Variants in MBTPS1 observed in about 807,000 individuals in gnomAD.
The protein encoded by MBTPS1 is membrane bound transcription factor peptidase, site 1.
In MBTPS1, 94 loss-of-function variants were observed where a neutral mutation model predicts 127.8. The observed-to-expected ratio is 0.74, with a 90% CI of 0.62 to 0.87. The LOEUF is 0.87. MBTPS1 is among the 40% of genes least tolerant of loss of function. The probability of loss-of-function intolerance (pLI) is 0.00; values close to 1 mark genes in which losing one functional copy is unlikely to be tolerated. For missense variants in MBTPS1, 1,636 were observed against 1,353.2 expected, an observed-to-expected ratio of 1.21 and a Z score of -3.28; for synonymous variants, 632 against 509.4, an observed-to-expected ratio of 1.24 and a Z score of -3.24.
Position 84,066,587 on chromosome 16 carries a change from C to A in MBTPS1, c.2255G>T (p.Gly752Val), listed in dbSNP as rs967208601. 3.7e-6 allele frequency: 6 copies of A among 1,614,024 alleles called. No homozygotes were observed. Among genetic ancestry groups the A allele is most frequent in the Non-Finnish European group, 5.1e-6 (6 of 1,180,020 alleles). ...TRQWWMPDTG[G>V]ANIPALNELL... ...CTCATTCAGAGCTGGGATGTTAGCT[C>A]CTCCGGTATCCGGCATCCACCACTG... Residue 752 changes from glycine to valine, a missense_variant, in exon 17 of 23, where the codon GGA becomes GTA. Coordinates refer to ENST00000343411, the MANE Select transcript of MBTPS1 (RefSeq NM_003791.4).
chr16:84,079,617 C>G (rs1435976343), intron 11 of MBTPS1, among the ~76,000 whole-genome samples: 3 of 152,196 alleles, frequency 2.0e-5, no homozygotes, highest in African/African-American at 7.2e-5. Flanking sequence ...TACAACTAAG[C>G]AAATAAGCCA....
chr16:84,063,253 G>A, intron 19 of MBTPS1, 52 bp downstream of exon 19: 1 of 1,581,404 alleles, frequency 6.3e-7, no homozygotes, highest in Non-Finnish European at 8.7e-7. Flanking sequence ...GAGACAAAGG[G>A]AAGAAAGGAT....
chr16:84,092,993 C>T (rs2086130287), intron 6 of MBTPS1, among the ~76,000 whole-genome samples, 195 bp downstream of exon 6: 1 of 152,178 alleles, frequency 6.6e-6, no homozygotes, highest in South Asian at 2.1e-4. Flanking sequence ...CTTAGGTCGA[C>T]ACAGTGGTTG....
chr16:84,063,726 A>T (rs2085645598), intron 18 of MBTPS1, among the ~76,000 whole-genome samples: 1 of 152,072 alleles, frequency 6.6e-6, no homozygotes, highest in South Asian at 2.1e-4. Flanking sequence ...AATATTTACA[A>T]TTGCAAAGGT....
chr16:84,114,584 A>G (rs1279304938), intron 1 of MBTPS1, among the ~76,000 whole-genome samples: 1 of 151,818 alleles, frequency 6.6e-6, no homozygotes, highest in African/African-American at 2.4e-5. Context: ...TAATCCCAGC[A>G]CTTTGGGAGG....
intron 19 of MBTPS1, chr16:84,061,689 G>A (rs571397621): frequency 6.6e-6 from 1 of 152,206 alleles, no homozygotes; most frequent in African/African-American, 2.4e-5. Context: ...GCAGAGAAAG[G>A]GCAATTTGTT....
intron 15 of MBTPS1, 67 bp from the exon 16 acceptor site, chr16:84,067,890 A>G: frequency 2.7e-6 from 4 of 1,478,116 alleles, no homozygotes; most frequent in Non-Finnish European, 3.7e-6. Flanking sequence ...CACGGCAGAA[A>G]CAGTGTCACC....
chr16:84,102,212 G>C (rs535596038), intron 1 of MBTPS1, 105 bp from the exon 2 acceptor site: 76 of 153,822 alleles, frequency 4.9e-4, no homozygotes, highest in Non-Finnish European at 4.5e-4. Context: ...GCCAGGCAAG[G>C]TGGCAGGTGC....
Position 84,095,582 on chromosome 16 carries a change from C to T in MBTPS1, c.625+20G>A. Reference sequence around the variant, plus strand: ...CACCTGTATATCCCATAAGCACCTTCCCTGGGTAATAGCACACACCTGTAT... The same window carrying T: ...CACCTGTATATCCCATAAGCACCTTTCCTGGGTAATAGCACACACCTGTAT... On this transcript the variant is annotated intron_variant, in intron 4 of 22. Transcript: ENST00000343411. 2 of 1,611,492 alleles carry T rather than the reference C, an allele frequency of 1.2e-6. No individual in the cohort carries two copies. The highest frequency in any genetic ancestry group is 1.7e-6 in the Non-Finnish European group (2 of 1,178,072).
intron 21 of MBTPS1, 134 bp from the exon 22 acceptor site, chr16:84,056,269 C>T (rs866522487): frequency 4.4e-5 from 30 of 682,872 alleles, no homozygotes; most frequent in Non-Finnish European, 6.0e-5. Context: ...TTTGCGTCCA[C>T]GGCCACCTAA....
At chr16:84,106,093 G>A (rs563108842) in intron 1 of MBTPS1, among the ~76,000 whole-genome samples, 3 of 152,192 alleles carry the variant, frequency 2.0e-5, no homozygotes, top group African/African-American at 4.8e-5. Flanking sequence ...CCAGGAATTC[G>A]AGACCATCCT....
In MBTPS1 at chr16:84,070,718, T is replaced by G. The variant is rs2085758438; in HGVS notation, c.1652A>C (p.Tyr551Ser). The change falls in exon 13 of 23, where the codon TAC becomes TCC. Residue 551 changes from tyrosine (Y) to serine (S), a missense_variant. Transcript: ENST00000343411. ...CGACCAAGGCCATAAGACCGAGGAG[T>G]AGGAGAAGGCAACTTCAATGTTGTC... Reference protein sequence around the residue: ...NGDNIEVAFSYSSVLWPWSGY... With the variant: ...NGDNIEVAFSSSSVLWPWSGY... The G allele has an allele frequency of 6.2e-7, 1 of 1,613,372 alleles. No homozygotes were observed. Among genetic ancestry groups the G allele is most frequent in the African/African-American group, 1.3e-5 (1 of 74,698 alleles).
chr16:84,077,694 G>C (rs756914194), intron 11 of MBTPS1, among the ~76,000 whole-genome samples: 1 of 152,150 alleles, frequency 6.6e-6, no homozygotes, highest in Non-Finnish European at 1.5e-5. Flanking sequence ...TGCAGAAAAA[G>C]ACTTTCTAAG....
In MBTPS1 at chr16:84,102,091, A is replaced by G; in HGVS notation, c.-308T>C. The G allele has an allele frequency of 4.0e-6, 1 of 248,784 alleles. No homozygotes were observed. Among genetic ancestry groups the G allele is most frequent in the East Asian group, 8.2e-5 (1 of 12,206 alleles). The allele number at this position is 248,784 out of a possible 1,614,324, so 15.4% of individuals were successfully genotyped here. A position where few individuals can be genotyped will look rare whatever the true frequency, so the allele number is the denominator to read the frequency against. On this transcript the variant is annotated 5_prime_UTR_variant, in exon 2 of 23. Coordinates refer to ENST00000343411, the MANE Select transcript of MBTPS1 (RefSeq NM_003791.4). Reference sequence around the variant, plus strand: ...CAACGTCCAATGGGGTTGATCAATCAACCACTGTGAGCCAATCTATGAAAC... The same window carrying G: ...CAACGTCCAATGGGGTTGATCAATCGACCACTGTGAGCCAATCTATGAAAC...
chr16:84,098,563 C>T (rs1473665017), intron 3 of MBTPS1, among the ~76,000 whole-genome samples: 1 of 151,972 alleles, frequency 6.6e-6, no homozygotes, highest in Non-Finnish European at 1.5e-5. Context: ...GCCAAGATCG[C>T]GCCACTGCAC....
chr16:84,085,154 G>C lies in MBTPS1; in HGVS notation c.1135-20C>G, dbSNP rs2086002209. 3 of 1,612,868 alleles carry C rather than the reference G, an allele frequency of 1.9e-6. No homozygotes were observed. Among genetic ancestry groups the C allele is most frequent in the African/African-American group, 2.7e-5 (2 of 74,896 alleles). On this transcript the variant is annotated intron_variant, in intron 9 of 22. Transcript: ENST00000343411. ...TAGCTCCTATGAATAAAAGCAGCTT[G>C]GTTGCTACATCTCGCACATTGGCAT...
At chr16:84,091,118 G>C in intron 7 of MBTPS1, among the ~76,000 whole-genome samples, 176 bp from the exon 8 acceptor site, 1 of 152,140 alleles carries the variant, frequency 6.6e-6, no homozygotes. Flanking sequence ...ACCCGGGACG[G>C]AGAAGCACGC....
intron 19 of MBTPS1, among the ~76,000 whole-genome samples, chr16:84,062,861 A>G (rs2085633700): frequency 6.6e-6 from 1 of 152,220 alleles, no homozygotes. Flanking sequence ...CCCGAATTCC[A>G]GGTCTGGAAG....
At chr16:84,077,122 G>C (rs2085867050) in intron 11 of MBTPS1, among the ~76,000 whole-genome samples, 1 of 151,822 alleles carries the variant, frequency 6.6e-6, no homozygotes, top group Non-Finnish European at 1.5e-5. Context: ...CTACTTGGGA[G>C]GCTGAGACGG....
Sources: allele counts gnomAD v4.1 joint callset (sites outside exome capture counted in the v4.1 genomes callset), GRCh38; gene constraint gnomAD v4.1.1; transcripts MANE v1.5; gene names NCBI Gene and HGNC (gene_info 2026-07-23, HGNC 2026-07-21).